CADM1: variants seen among roughly 807,000 people sequenced by gnomAD.
CADM1 encodes the protein cell adhesion molecule 1.
CADM1 carries 15 observed loss-of-function variants against 53.1 expected under a neutral mutation model. The observed-to-expected ratio is 0.28, with a 90% CI of 0.19 to 0.44. The LOEUF is 0.44. Ranked by LOEUF, CADM1 falls within the 20% of genes least tolerant of loss-of-function variation. The pLI, the probability that CADM1 is intolerant of heterozygous loss-of-function variation, is 1.00. For missense variants in CADM1, 434 were observed against 611.3 expected (o/e 0.71, Z 3.06); for synonymous variants, 281 against 243.0 (o/e 1.16, Z -1.45).
At chr11:115,445,526 C>T (rs939482745) in intron 1 of CADM1, among the ~76,000 whole-genome samples, 8 of 151,784 alleles carry the variant, frequency 5.3e-5, no homozygotes, top group Admixed American at 1.3e-4. Flanking sequence ...ATCAAAGAAC[C>T]GTGTAGCCCG....
intron 1 of CADM1, among the ~76,000 whole-genome samples, chr11:115,283,048 T>C (rs954640153): frequency 6.6e-6 from 1 of 152,206 alleles, no homozygotes; most frequent in African/African-American, 2.4e-5. Flanking sequence ...ACAGCTTTTA[T>C]AGCTTTGATG....
intron 1 of CADM1, among the ~76,000 whole-genome samples, chr11:115,439,130 G>C (rs911074215): frequency 6.6e-6 from 1 of 152,158 alleles, no homozygotes; most frequent in East Asian, 1.9e-4. Context: ...TGAGCCCCCA[G>C]ACCTACTTCC....
chr11:115,209,503 G>T, intron 8 of CADM1, 71 bp downstream of exon 8: 1 of 1,602,048 alleles, frequency 6.2e-7, no homozygotes, highest in Non-Finnish European at 8.5e-7. Flanking sequence ...GAACTTTTCG[G>T]CTTCTTTTTA....
chr11:115,380,750 C>T (rs1046520942), intron 1 of CADM1, among the ~76,000 whole-genome samples: 5 of 152,004 alleles, frequency 3.3e-5, no homozygotes, highest in South Asian at 2.1e-4. Flanking sequence ...GATGATCATA[C>T]GTGTATGCTG....
chr11:115,410,626 C>T (rs949466811), intron 1 of CADM1, among the ~76,000 whole-genome samples: 1 of 151,904 alleles, frequency 6.6e-6, no homozygotes, highest in East Asian at 1.9e-4. Context: ...GCAAAAAAAG[C>T]AGAAAGGTGC....
At chr11:115,373,003 C>T (rs1946346729) in intron 1 of CADM1, among the ~76,000 whole-genome samples, 2 of 152,194 alleles carry the variant, frequency 1.3e-5, no homozygotes, top group Non-Finnish European at 1.5e-5. Flanking sequence ...AACAAGGGTA[C>T]AAGGACATAA....
intron 1 of CADM1, among the ~76,000 whole-genome samples, chr11:115,390,751 G>C (rs757439841): frequency 6.6e-6 from 1 of 151,594 alleles, no homozygotes; most frequent in Non-Finnish European, 1.5e-5. Context: ...GAAGTTTCTA[G>C]ATTAAACAAT....
intron 1 of CADM1, among the ~76,000 whole-genome samples, chr11:115,305,405 A>C (rs1224041996): frequency 1.3e-5 from 2 of 151,858 alleles, no homozygotes; most frequent in Non-Finnish European, 2.9e-5. Context: ...TCTGTCTTTG[A>C]AATTCCTCTC....
chr11:115,262,019 T>C (rs914354601), intron 1 of CADM1, among the ~76,000 whole-genome samples: 3 of 152,158 alleles, frequency 2.0e-5, no homozygotes, highest in Admixed American at 6.5e-5. Context: ...GACCTCGTCA[T>C]CTGCCCACCT....
intron 1 of CADM1, among the ~76,000 whole-genome samples, chr11:115,358,181 C>T (rs917204583): frequency 6.7e-6 from 1 of 149,558 alleles, no homozygotes; most frequent in Non-Finnish European, 1.5e-5. Flanking sequence ...CATCCACCAC[C>T]TCTCAAGCAG....
In CADM1 at chr11:115,292,101, G is replaced by A. The variant is rs1270688735; in HGVS notation, c.125-51681C>T. Among the ~76,000 whole-genome samples, 8 of 152,126 alleles carry A rather than the reference G, an allele frequency of 5.3e-5. No homozygotes were observed. In the East Asian group the frequency reaches 1.2e-3, roughly 22 times the overall value. ...CTTACCACCCACTGAAACAACAGCT[G>A]GAGGGGTCATCCACCTGGTGTGATG... On this transcript the variant is annotated intron_variant, in intron 1 of 11. Transcript: ENST00000331581.
intron 1 of CADM1, among the ~76,000 whole-genome samples, chr11:115,449,833 T>C (rs754406975): frequency 6.6e-6 from 1 of 152,204 alleles, no homozygotes; most frequent in Admixed American, 6.5e-5. Context: ...TTATATATTA[T>C]AGTGACATAC....
chr11:115,353,387 C>A (rs1945786488), intron 1 of CADM1, among the ~76,000 whole-genome samples: 1 of 152,210 alleles, frequency 6.6e-6, no homozygotes, highest in Non-Finnish European at 1.5e-5. Flanking sequence ...GTAGCAAGTG[C>A]AACTGTGGAA....
intron 1 of CADM1, among the ~76,000 whole-genome samples, chr11:115,424,723 G>A (rs759448802): frequency 5.9e-5 from 9 of 151,950 alleles, no homozygotes; most frequent in Non-Finnish European, 1.3e-4. Context: ...AGGGGGTTTC[G>A]ACATGTTGGC....
intron 1 of CADM1, among the ~76,000 whole-genome samples, chr11:115,260,089 A>T (rs1177784718): frequency 6.6e-6 from 1 of 151,698 alleles, no homozygotes; most frequent in Non-Finnish European, 1.5e-5. Context: ...ACCATGCCTA[A>T]TTTTTTTACT....
At chr11:115,504,176 G>C in intron 1 of CADM1, 95 bp downstream of exon 1, 1 of 1,516,746 alleles carries the variant, frequency 6.6e-7, no homozygotes, top group Non-Finnish European at 8.9e-7. Flanking sequence ...GGAAGTGGGG[G>C]GAGGTTGTCA....
chr11:115,224,950 A>G (rs184352901), intron 5 of CADM1, among the ~76,000 whole-genome samples: 1 of 152,302 alleles, frequency 6.6e-6, no homozygotes, highest in East Asian at 1.9e-4. Flanking sequence ...AAAAAAATGC[A>G]CTGAAAGATT....
chr11:115,414,598 A>T (rs1312873999), intron 1 of CADM1, among the ~76,000 whole-genome samples: 1 of 152,244 alleles, frequency 6.6e-6, no homozygotes, highest in Non-Finnish European at 1.5e-5. Flanking sequence ...AGCTTGAATA[A>T]CAAGCCAAAT....
chr11:115,251,044 C>G (rs1015252660), intron 1 of CADM1, among the ~76,000 whole-genome samples: 4 of 152,216 alleles, frequency 2.6e-5, no homozygotes, highest in Non-Finnish European at 5.9e-5. Flanking sequence ...ATCAAGGAAT[C>G]TGAAGCCAAA....
Sources: gnomAD v4.1 joint callset for allele counts (sites outside exome capture counted in the v4.1 genomes callset) on GRCh38, gnomAD v4.1.1 for gene constraint, MANE v1.5 for transcripts, NCBI Gene and HGNC (gene_info 2026-07-23, HGNC 2026-07-21) for gene names.